The following FOXB2 variants were observed in gnomAD, a reference collection of about 807,000 sequenced individuals.
FOXB2 encodes the protein forkhead box protein B2.
A neutral mutation model predicts 0.9 loss-of-function variants in FOXB2; 1 was observed. The observed-to-expected ratio is 1.09, with a 90% CI of 0.39 to 5.18. The LOEUF is 5.18. FOXB2 is among the 30% of genes most tolerant of loss of function. The pLI is 0.16. For missense variants in FOXB2, 670 were observed against 626.6 expected (o/e 1.07, Z -0.74); for synonymous variants, 322 against 293.5 (o/e 1.10, Z -0.99).
rs755599560 is a variant in FOXB2, at chr9:77,020,085, CCCA to C, written c.441_443del (p.His151del). The C allele has an allele frequency of 1.6e-5, 25 of 1,523,134 alleles. No individual in the cohort carries two copies. The South Asian group carries it at 2.5e-4, about 15-fold the overall frequency. 94.4% of individuals were successfully genotyped at this position (1,523,134 alleles called of 1,614,324 possible). On this transcript the variant is annotated inframe_deletion, in exon 1 of 1. Transcript: ENST00000376708. This position sits in a 1 kb window ranked among gnomAD's most constrained non-coding sequence, Gnocchi z 4.9. ...CTTCACCCCCATCACCACCACCACC[CCCA>C]CCACCACCATCATCACCACGCTGCC...
rs756760677 is a variant in FOXB2, at chr9:77,019,805, C to T, written c.151C>T (p.Arg51Cys). Reference sequence around the variant, plus strand: ...CATCATGGAGCGCTTCCCCTACTACCGCGAGCACACACAGCGCTGGCAGAA... The same window carrying T: ...CATCATGGAGCGCTTCCCCTACTACTGCGAGCACACACAGCGCTGGCAGAA... ...KFIMERFPYY[R>C]EHTQRWQNSL... The change falls in exon 1 of 1, where the codon CGC becomes TGC. Residue 51 changes from arginine (R) to cysteine (C), a missense_variant. Physicochemically the swap from Arg to Cys is radical, Grantham distance 180. Transcript: ENST00000376708. This position sits in a 1 kb window ranked among gnomAD's most constrained non-coding sequence, Gnocchi z 4.4. 1.2e-6 allele frequency: 2 copies of T among 1,614,146 alleles called. No individual in the cohort carries two copies. Among genetic ancestry groups the T allele is most frequent in the Admixed American group, 1.7e-5 (1 of 60,026 alleles).
chr9:77,019,913 T>G lies in FOXB2; in HGVS notation c.259T>G (p.Trp87Gly), dbSNP rs576013343. Residue 87 changes from tryptophan (W) to glycine (G), a missense_variant, in exon 1 of 1, where the codon TGG becomes GGG. By Grantham distance (184) the Trp-to-Gly change is radical (BLOSUM62 -2). Coordinates refer to ENST00000376708, the MANE Select transcript of FOXB2 (RefSeq NM_001013735.1). The surrounding 1 kb of genome is among the most constrained non-coding windows in gnomAD (Gnocchi z 4.4). The part of the protein sequence containing the change: ...RPDQPGKGSF[W>G]ALHPDCGDMF... ...CGACCAGCCTGGCAAGGGTAGCTTC[T>G]GGGCGCTGCACCCCGACTGCGGGGA... 4.3e-6 allele frequency: 7 copies of G among 1,613,608 alleles called. No homozygotes were observed. The highest frequency in any genetic ancestry group is 5.9e-6 in the Non-Finnish European group (7 of 1,180,018).
In FOXB2 at chr9:77,020,612, A is replaced by T; in HGVS notation, c.958A>T (p.Met320Leu). 1 of 1,601,720 alleles carries T rather than the reference A, an allele frequency of 6.2e-7. No homozygotes were observed. The highest frequency in any genetic ancestry group is 8.5e-7 in the Non-Finnish European group (1 of 1,176,572). Reference sequence around the variant, plus strand: ...CTCCGTGTGGCCGCACGTTGGCGTCATGGATTCGGTGGCCGCCGCCGCGGC... The same window carrying T: ...CTCCGTGTGGCCGCACGTTGGCGTCTTGGATTCGGTGGCCGCCGCCGCGGC... ...VSSVWPHVGV[M>L]DSVAAAAAAA... The change falls in exon 1 of 1, where the codon ATG (methionine) becomes TTG (leucine). Residue 320 changes from methionine to leucine, a missense_variant. Transcript: ENST00000376708. This position sits in a 1 kb window ranked among gnomAD's most constrained non-coding sequence, Gnocchi z 4.9.
Position 77,020,485 on chromosome 9 carries a change from C to T in FOXB2, c.831C>T (p.Gly277=). The T allele has an allele frequency of 6.2e-7, 1 of 1,607,920 alleles. No homozygotes were observed. The part of the protein sequence containing the change: ...KHPFAIENII[G]RDYKGVLQAG... ...CCTTTGCCATTGAGAACATTATTGG[C>T]CGGGACTACAAGGGCGTGCTGCAGG... The change falls in exon 1 of 1, where the codon GGC becomes GGT. Residue 277 remains glycine (G), a synonymous_variant. Transcript: ENST00000376708. The surrounding 1 kb of genome is among the most constrained non-coding windows in gnomAD (Gnocchi z 4.9).
Position 77,020,265 on chromosome 9 carries a change from A to T in FOXB2, c.611A>T (p.Gln204Leu). The change falls in exon 1 of 1, where the codon CAG becomes CTG. Residue 204 changes from glutamine (Q) to leucine (L), a missense_variant. Transcript: ENST00000376708. This position sits in a 1 kb window ranked among gnomAD's most constrained non-coding sequence, Gnocchi z 4.9. ...LPSQPPQQPPQQSQPQQPSHP... is the reference protein window; with the variant it reads ...LPSQPPQQPPLQSQPQQPSHP... ...TCACAGCCCCCGCAGCAACCGCCCC[A>T]GCAGTCGCAGCCTCAGCAGCCGTCT... The T allele has an allele frequency of 7.5e-7, 1 of 1,330,766 alleles. No individual in the cohort carries two copies. The highest frequency in any genetic ancestry group is 1.1e-6 in the Non-Finnish European group (1 of 938,604). 82.4% of individuals were successfully genotyped at this position (1,330,766 alleles called of 1,614,324 possible).
chr9:77,019,861 C>T lies in FOXB2; in HGVS notation c.207C>T (p.Asp69=). The T allele has an allele frequency of 6.2e-7, 1 of 1,614,106 alleles. No individual in the cohort carries two copies. Among genetic ancestry groups the T allele is most frequent in the East Asian group, 2.2e-5 (1 of 44,842 alleles). Residue 69 remains aspartate, a synonymous_variant, in exon 1 of 1, where the codon GAC becomes GAT. Coordinates refer to ENST00000376708, the MANE Select transcript of FOXB2 (RefSeq NM_001013735.1). This position sits in a 1 kb window ranked among gnomAD's most constrained non-coding sequence, Gnocchi z 4.4. ...TGCGCCACAACCTCTCCTTCAACGA[C>T]TGCTTCATCAAGATTCCGCGGAGGC... ...NSLRHNLSFN[D]CFIKIPRRPD...
chr9:77,020,918 G>T lies in FOXB2; in HGVS notation c.1264G>T (p.Gly422Cys), dbSNP rs367554412. ...AGCCCCTACCTCGGCCGAAAGCAAG[G>T]GCGGCTCCTTGCACTCGGTGCTAGT... ...PTAPTSAESK[G>C]GSLHSVLVHS The change falls in exon 1 of 1, where the codon GGC (glycine) becomes TGC (cysteine). Residue 422 changes from glycine to cysteine, a missense_variant. Physicochemically the swap from Gly to Cys is radical, Grantham distance 159. Transcript: ENST00000376708. This position sits in a 1 kb window ranked among gnomAD's most constrained non-coding sequence, Gnocchi z 4.9. 9.5e-6 allele frequency: 15 copies of T among 1,574,024 alleles called. No homozygotes were observed. The African/African-American group carries it at 1.6e-4, about 17-fold the overall frequency.
rs748642289 is a variant in FOXB2 at position 77,019,918 on chromosome 9, G to A, written c.264G>A (p.Ala88=). 1.1e-5 allele frequency: 17 copies of A among 1,613,556 alleles called. No homozygotes were observed. In the African/African-American group the frequency reaches 2.1e-4, roughly 20 times the overall value. Residue 88 remains alanine (A), a synonymous_variant, in exon 1 of 1, where the codon GCG becomes GCA. Transcript: ENST00000376708. The surrounding 1 kb of genome is among the most constrained non-coding windows in gnomAD (Gnocchi z 4.4). The part of the protein sequence containing the change: ...PDQPGKGSFW[A]LHPDCGDMFE... Reference sequence around the variant, plus strand: ...AGCCTGGCAAGGGTAGCTTCTGGGCGCTGCACCCCGACTGCGGGGACATGT... The same window carrying A: ...AGCCTGGCAAGGGTAGCTTCTGGGCACTGCACCCCGACTGCGGGGACATGT...
chr9:77,020,909 G>A lies in FOXB2; in HGVS notation c.1255G>A (p.Glu419Lys). The change falls in exon 1 of 1, where the codon GAA (glutamate) becomes AAA (lysine). Residue 419 changes from glutamate (E) to lysine (K), a missense_variant. Coordinates refer to ENST00000376708, the MANE Select transcript of FOXB2 (RefSeq NM_001013735.1). The surrounding 1 kb of genome is among the most constrained non-coding windows in gnomAD (Gnocchi z 4.9). ...GGAGCCCACAGCCCCTACCTCGGCC[G>A]AAAGCAAGGGCGGCTCCTTGCACTC... ...LLEPTAPTSA[E>K]SKGGSLHSVL... 6.4e-7 allele frequency: 1 copy of A among 1,569,858 alleles called. No individual in the cohort carries two copies. Among genetic ancestry groups the A allele is most frequent in the South Asian group, 1.2e-5 (1 of 86,776 alleles).
chr9:77,020,758 C>G lies in FOXB2; in HGVS notation c.1104C>G (p.Pro368=), dbSNP rs761281141. The change falls in exon 1 of 1, where the codon CCC becomes CCG. Residue 368 remains proline (P), a synonymous_variant. Coordinates refer to ENST00000376708, the MANE Select transcript of FOXB2 (RefSeq NM_001013735.1). The surrounding 1 kb of genome is among the most constrained non-coding windows in gnomAD (Gnocchi z 4.9). ...CTGCCATGCCGGTGCCCATCAAGCC[C>G]ACGCCTGCGCTGCCGCCCGTGTCCG... The part of the protein sequence containing the change: ...SLPAMPVPIK[P]TPALPPVSAL... The G allele has an allele frequency of 3.8e-6, 6 of 1,592,242 alleles. No homozygotes were observed. The highest frequency in any genetic ancestry group is 5.1e-6 in the Non-Finnish European group (6 of 1,173,338).
rs1309536589 is a variant in FOXB2, at chr9:77,019,745, G to A, written c.91G>A (p.Glu31Lys). The A allele has an allele frequency of 1.2e-6, 2 of 1,613,988 alleles. No homozygotes were observed. The highest frequency in any genetic ancestry group is 1.7e-6 in the Non-Finnish European group (2 of 1,180,026). The change falls in exon 1 of 1, where the codon GAG becomes AAG. Residue 31 changes from glutamate (E) to lysine (K), a missense_variant. Coordinates refer to ENST00000376708, the MANE Select transcript of FOXB2 (RefSeq NM_001013735.1). This position sits in a 1 kb window ranked among gnomAD's most constrained non-coding sequence, Gnocchi z 4.4. Reference protein sequence around the residue: ...LTAMAIQHSAEKMLPLSDIYK... With the variant: ...LTAMAIQHSAKKMLPLSDIYK... ...CGCCATGGCAATCCAGCACTCGGCC[G>A]AGAAGATGCTGCCGCTGAGCGACAT...
chr9:77,020,152 G>GCCGCCGCCGCCC lies in FOXB2; in HGVS notation c.510_521dup (p.Pro171_Pro174dup). 1 of 1,336,880 alleles carries GCCGCCGCCGCCC rather than the reference G, an allele frequency of 7.5e-7. No individual in the cohort carries two copies. The highest frequency in any genetic ancestry group is 2.4e-5 in the East Asian group (1 of 42,104). 82.8% of individuals were successfully genotyped at this position (1,336,880 alleles called of 1,614,324 possible). ...ATCACCACCACCCACCCCAGCCGCC[G>GCCGCCGCCGCCC]CCGCCGCCGCCCCCGCCGCCGCCGC... On this transcript the variant is annotated inframe_insertion, in exon 1 of 1. Coordinates refer to ENST00000376708, the MANE Select transcript of FOXB2 (RefSeq NM_001013735.1). This position sits in a 1 kb window ranked among gnomAD's most constrained non-coding sequence, Gnocchi z 4.9.
At position 77,020,178 on chromosome 9, in the gene FOXB2, A is replaced by T; in HGVS notation, c.524A>T (p.His175Leu). 8.5e-7 allele frequency: 1 copy of T among 1,179,532 alleles called. No individual in the cohort carries two copies. The highest frequency in any genetic ancestry group is 2.0e-4 in the Middle Eastern group (1 of 5,098). 73.1% of individuals were successfully genotyped at this position (1,179,532 alleles called of 1,614,324 possible). The change falls in exon 1 of 1, where the codon CAC becomes CTC. Residue 175 changes from histidine to leucine, a missense_variant. By Grantham distance (99) the His-to-Leu change is moderately conservative (BLOSUM62 -3). Coordinates refer to ENST00000376708, the MANE Select transcript of FOXB2 (RefSeq NM_001013735.1). This position sits in a 1 kb window ranked among gnomAD's most constrained non-coding sequence, Gnocchi z 4.9. ...PPPPPPPPPP[H>L]MVHYFHQQPP... Reference sequence around the variant, plus strand: ...CCGCCGCCGCCCCCGCCGCCGCCGCACATGGTACACTATTTCCATCAGCAA... The same window carrying T: ...CCGCCGCCGCCCCCGCCGCCGCCGCTCATGGTACACTATTTCCATCAGCAA...
chr9:77,020,501 G>A lies in FOXB2; in HGVS notation c.847G>A (p.Val283Met), dbSNP rs766321890. 5.6e-6 allele frequency: 9 copies of A among 1,609,850 alleles called. No individual in the cohort carries two copies. Among genetic ancestry groups the A allele is most frequent in the African/African-American group, 4.0e-5 (3 of 74,304 alleles). ...ENIIGRDYKGVLQAGGLPLAS... is the reference protein window; with the variant it reads ...ENIIGRDYKGMLQAGGLPLAS... ...CATTATTGGCCGGGACTACAAGGGC[G>A]TGCTGCAGGCTGGAGGGCTGCCCTT... The change falls in exon 1 of 1, where the codon GTG becomes ATG. Residue 283 changes from valine (V) to methionine (M), a missense_variant. Val to Met is a conservative substitution (Grantham distance 21). Coordinates refer to ENST00000376708, the MANE Select transcript of FOXB2 (RefSeq NM_001013735.1). The surrounding 1 kb of genome is among the most constrained non-coding windows in gnomAD (Gnocchi z 4.9).
rs756972668 is a variant in FOXB2 at position 77,020,250 on chromosome 9, C to T, written c.596C>T (p.Pro199Leu). ...QPPPHLPSQP[P>L]QQPPQQSQPQ... ...CCTCCGCACCTCCCGTCACAGCCCCCGCAGCAACCGCCCCAGCAGTCGCAG... is the reference window on the plus strand; with the variant it reads ...CCTCCGCACCTCCCGTCACAGCCCCTGCAGCAACCGCCCCAGCAGTCGCAG... The change falls in exon 1 of 1, where the codon CCG becomes CTG. Residue 199 changes from proline to leucine, a missense_variant. Physicochemically the swap from Pro to Leu is moderately conservative, Grantham distance 98. Transcript: ENST00000376708. This position sits in a 1 kb window ranked among gnomAD's most constrained non-coding sequence, Gnocchi z 4.9. The T allele has an allele frequency of 3.1e-6, 4 of 1,273,074 alleles. No individual in the cohort carries two copies. Among genetic ancestry groups the T allele is most frequent in the East Asian group, 2.3e-5 (1 of 43,152 alleles). 78.9% of individuals were successfully genotyped at this position (1,273,074 alleles called of 1,614,324 possible).
At position 77,020,581 on chromosome 9, in the gene FOXB2, C is replaced by T. The variant is rs1411041430; in HGVS notation, c.927C>T (p.Val309=). The T allele has an allele frequency of 1.9e-6, 3 of 1,610,000 alleles. No individual in the cohort carries two copies. In the African/African-American group the frequency reaches 4.0e-5, roughly 22 times the overall value. The change falls in exon 1 of 1, where the codon GTC becomes GTT. Residue 309 remains valine (V), a synonymous_variant. Transcript: ENST00000376708. This position sits in a 1 kb window ranked among gnomAD's most constrained non-coding sequence, Gnocchi z 4.9. The part of the protein sequence containing the change: ...GYPVPGQLGN[V]VSSVWPHVGV... The stretch of plus-strand genomic sequence containing the variant: ...CCGTGCCCGGCCAGCTTGGCAACGT[C>T]GTCAGCTCCGTGTGGCCGCACGTTG...
At position 77,020,632 on chromosome 9, in the gene FOXB2, C is replaced by T; in HGVS notation, c.978C>T (p.Ala326=). Residue 326 remains alanine, a synonymous_variant, in exon 1 of 1, where the codon GCC becomes GCT. Coordinates refer to ENST00000376708, the MANE Select transcript of FOXB2 (RefSeq NM_001013735.1). The surrounding 1 kb of genome is among the most constrained non-coding windows in gnomAD (Gnocchi z 4.9). ...HVGVMDSVAA[A]AAAAAAAGVP... ...GCGTCATGGATTCGGTGGCCGCCGCCGCGGCCGCCGCAGCCGCAGCCGGAG... is the reference window on the plus strand; with the variant it reads ...GCGTCATGGATTCGGTGGCCGCCGCTGCGGCCGCCGCAGCCGCAGCCGGAG... 1 of 1,591,964 alleles carries T rather than the reference C, an allele frequency of 6.3e-7. No individual in the cohort carries two copies. The highest frequency in any genetic ancestry group is 1.3e-5 in the African/African-American group (1 of 74,288).
In FOXB2 at chr9:77,020,185, A is replaced by G. The variant is rs2063910977; in HGVS notation, c.531A>G (p.Val177=). ...PPPPPPPPHM[V]HYFHQQPPTA... is the part of the protein sequence containing the mutation. The stretch of plus-strand genomic sequence containing the variant: ...CGCCCCCGCCGCCGCCGCACATGGT[A>G]CACTATTTCCATCAGCAACCGCCTA... The change falls in exon 1 of 1, where the codon GTA becomes GTG. Residue 177 remains valine (V), a synonymous_variant. Coordinates refer to ENST00000376708, the MANE Select transcript of FOXB2 (RefSeq NM_001013735.1). The surrounding 1 kb of genome is among the most constrained non-coding windows in gnomAD (Gnocchi z 4.9). 8 of 1,161,222 alleles carry G rather than the reference A, an allele frequency of 6.9e-6. No homozygotes were observed. The highest frequency in any genetic ancestry group is 1.0e-5 in the Non-Finnish European group (8 of 783,596). The allele number at this position is 1,161,222 out of a possible 1,614,324, so 71.9% of individuals were successfully genotyped here.
In FOXB2 at chr9:77,019,916, G is replaced by A; in HGVS notation, c.262G>A (p.Ala88Thr). ...PDQPGKGSFWALHPDCGDMFE... is the reference protein window; with the variant it reads ...PDQPGKGSFWTLHPDCGDMFE... Reference sequence around the variant, plus strand: ...CCAGCCTGGCAAGGGTAGCTTCTGGGCGCTGCACCCCGACTGCGGGGACAT... The same window carrying A: ...CCAGCCTGGCAAGGGTAGCTTCTGGACGCTGCACCCCGACTGCGGGGACAT... Residue 88 changes from alanine to threonine, a missense_variant, in exon 1 of 1, where the codon GCG becomes ACG. By Grantham distance (58) the Ala-to-Thr change is moderately conservative. Transcript: ENST00000376708. This position sits in a 1 kb window ranked among gnomAD's most constrained non-coding sequence, Gnocchi z 4.4. 1 of 1,613,688 alleles carries A rather than the reference G, an allele frequency of 6.2e-7. No individual in the cohort carries two copies. Among genetic ancestry groups the A allele is most frequent in the Non-Finnish European group, 8.5e-7 (1 of 1,180,020 alleles).
Sources: allele counts gnomAD v4.1 joint callset, GRCh38; gene constraint gnomAD v4.1.1; non-coding constraint Gnocchi (gnomAD v3.1); transcripts MANE v1.5; gene names NCBI Gene and HGNC (gene_info 2026-07-23, HGNC 2026-07-21).